The following SLC16A7 variants were observed in gnomAD, a reference collection of about 807,000 sequenced individuals.
SLC16A7 encodes monocarboxylate transporter 2.
Under a neutral mutation model 34.9 loss-of-function variants are expected in SLC16A7, and 33 were observed. The observed-to-expected ratio is 0.94, with a 90% confidence interval of 0.72 to 1.26. The LOEUF (loss-of-function observed/expected upper bound fraction) is 1.26. SLC16A7 is among the 50% of genes most tolerant of loss of function. The pLI is 0.00. For missense variants in SLC16A7, 573 were observed against 578.1 expected (o/e 0.99, Z 0.09); for synonymous variants, 201 against 206.6 (o/e 0.97, Z 0.23).
In SLC16A7 at chr12:59,680,658, A is replaced by T. The variant is rs553412742; in HGVS notation, c.-30-24114A>T. 2.6e-5 allele frequency among the ~76,000 whole-genome samples: 4 copies of T among 151,874 alleles called. No individual in the cohort carries two copies. In the East Asian group the frequency reaches 7.7e-4, roughly 29 times the overall value. ...TATAATTATCTTATTTACACTTTTAACTTTCTCATTGCCTCTCTCCTCTAC... is the reference window on the plus strand; with the variant it reads ...TATAATTATCTTATTTACACTTTTATCTTTCTCATTGCCTCTCTCCTCTAC... On this transcript the variant is annotated intron_variant, in intron 2 of 5. Coordinates refer to ENST00000547379, the MANE Select transcript of SLC16A7 (RefSeq NM_001270623.2).
intron 1 of SLC16A7, among the ~76,000 whole-genome samples, chr12:59,600,448 A>C (rs1490100628): frequency 6.6e-6 from 1 of 152,086 alleles, no homozygotes; most frequent in Non-Finnish European, 1.5e-5. Flanking sequence ...ACTAGCTCTC[A>C]GTGAATAATG....
chr12:59,614,824 TAAAAA>T (rs71448588), intron 1 of SLC16A7, among the ~76,000 whole-genome samples: 1 of 35,744 alleles, frequency 2.8e-5, no homozygotes, highest in Non-Finnish European at 4.7e-5. Context: ...CCATTCCTAC[TAAAAA>T]AAAAAAAAAA....
At chr12:59,608,395 A>G (rs2136963662) in intron 1 of SLC16A7, among the ~76,000 whole-genome samples, 1 of 152,338 alleles carries the variant, frequency 6.6e-6, no homozygotes, top group African/African-American at 2.4e-5. Flanking sequence ...TCTTGTTCTG[A>G]AGTGAAAAAG....
intron 1 of SLC16A7, among the ~76,000 whole-genome samples, chr12:59,605,025 G>A (rs1878871167): frequency 6.6e-6 from 1 of 151,878 alleles, no homozygotes; most frequent in African/African-American, 2.4e-5. Context: ...TTTTGTTTTT[G>A]TATTCTTAGT....
chr12:59,753,877 G>A (rs574358250), intron 3 of SLC16A7, among the ~76,000 whole-genome samples: 3 of 152,230 alleles, frequency 2.0e-5, no homozygotes, highest in Non-Finnish European at 2.9e-5. Flanking sequence ...CTCAGCAAAT[G>A]TAAAAGATCA....
intron 3 of SLC16A7, among the ~76,000 whole-genome samples, chr12:59,712,577 C>T (rs568790822): frequency 1.3e-5 from 2 of 152,276 alleles, no homozygotes; most frequent in South Asian, 2.1e-4. Context: ...TCCGTCAACC[C>T]GGTGTAGAAA....
chr12:59,707,198 C>T (rs939448985), intron 3 of SLC16A7, among the ~76,000 whole-genome samples: 6 of 152,074 alleles, frequency 3.9e-5, no homozygotes, highest in Non-Finnish European at 8.8e-5. Context: ...AACTCTTATA[C>T]TGCCCTACCC....
chr12:59,627,801 G>A (rs1879994565), intron 1 of SLC16A7, among the ~76,000 whole-genome samples: 1 of 151,100 alleles, frequency 6.6e-6, no homozygotes, highest in Non-Finnish European at 1.5e-5. Flanking sequence ...CTAAGCTGAT[G>A]ATTTCTAGGC....
At chr12:59,619,922 A>G (rs1263601792) in intron 1 of SLC16A7, among the ~76,000 whole-genome samples, 1 of 152,006 alleles carries the variant, frequency 6.6e-6, no homozygotes, top group Non-Finnish European at 1.5e-5. Context: ...TTTACAGAAA[A>G]CAATCCAAGG....
intron 3 of SLC16A7, among the ~76,000 whole-genome samples, chr12:59,767,132 C>T (rs1260079624): frequency 1.3e-5 from 2 of 150,756 alleles, no homozygotes; most frequent in Non-Finnish European, 3.0e-5. Flanking sequence ...TGCTTCTTTC[C>T]TTAAACGTCA....
rs180790866 is a variant in SLC16A7, at chr12:59,749,235, C to T, written c.218-21984C>T. On this transcript the variant is annotated intron_variant, in intron 3 of 5. Transcript: ENST00000547379. ...TTAGGACTGCCCTTATCTACAAAGG[C>T]GATAACTCCTGAGTTTTGAAGGGAC... 2.6e-5 allele frequency among the ~76,000 whole-genome samples: 4 copies of T among 152,272 alleles called. No individual in the cohort carries two copies. The East Asian group carries it at 7.7e-4, about 29-fold the overall frequency.
chr12:59,680,398 T>A (rs528267638), intron 2 of SLC16A7, among the ~76,000 whole-genome samples: 1 of 152,198 alleles, frequency 6.6e-6, no homozygotes, highest in Non-Finnish European at 1.5e-5. Flanking sequence ...TTATTTCTTT[T>A]AGACTGAAAA....
At chr12:59,609,976 C>A (rs1413171023) in intron 1 of SLC16A7, among the ~76,000 whole-genome samples, 1 of 152,160 alleles carries the variant, frequency 6.6e-6, no homozygotes, top group Admixed American at 6.5e-5. Flanking sequence ...AATCCTTAAT[C>A]ATTCCCTGAC....
Position 59,788,407 on chromosome 12 carries a change from T to C in SLC16A7, c.*8728T>C, listed in dbSNP as rs1412921543. The C allele has an allele frequency of 6.6e-6, 1 of 152,100 alleles. No homozygotes were observed. Among genetic ancestry groups the C allele is most frequent in the East Asian group, 1.9e-4 (1 of 5,194 alleles). The allele number at this position is 152,100 out of a possible 1,614,324, so 9.4% of individuals were successfully genotyped here. On this transcript the variant is annotated 3_prime_UTR_variant, in exon 6 of 6. Coordinates refer to ENST00000547379, the MANE Select transcript of SLC16A7 (RefSeq NM_001270623.2). Reference sequence around the variant, plus strand: ...TTGTCTTGTTTATTCTATAGATATCTTAATGACCACTGAACAAATGATCAT... The same window carrying C: ...TTGTCTTGTTTATTCTATAGATATCCTAATGACCACTGAACAAATGATCAT...
At chr12:59,622,214 T>A (rs1879724679) in intron 1 of SLC16A7, among the ~76,000 whole-genome samples, 1 of 151,970 alleles carries the variant, frequency 6.6e-6, no homozygotes, top group Admixed American at 6.6e-5. Flanking sequence ...TCAACCTACT[T>A]ATATGTTGCT....
At chr12:59,638,322 T>C (rs572968241) in intron 1 of SLC16A7, among the ~76,000 whole-genome samples, 26 of 152,216 alleles carry the variant, frequency 1.7e-4, no homozygotes, top group African/African-American at 5.8e-4. Context: ...ACTTTCTAGA[T>C]TTTATGGCTT....
chr12:59,726,972 A>C (rs963652108), intron 3 of SLC16A7, among the ~76,000 whole-genome samples: 1 of 152,032 alleles, frequency 6.6e-6, no homozygotes, highest in Non-Finnish European at 1.5e-5. Flanking sequence ...TCTAGATTAC[A>C]ATAGTAATTA....
In SLC16A7 at chr12:59,787,624, G is replaced by A. The variant is rs1253231042; in HGVS notation, c.*7945G>A. 1 of 152,150 alleles carries A rather than the reference G, an allele frequency of 6.6e-6. No homozygotes were observed. The highest frequency in any genetic ancestry group is 1.5e-5 in the Non-Finnish European group (1 of 68,030). 9.4% of individuals were successfully genotyped at this position (152,150 alleles called of 1,614,324 possible). ...GGTAAAACTGTAAAAACAGTAATCT[G>A]CATTCAGTATTTGTTTGCCTAGTTC... is the stretch of plus-strand genomic sequence containing the variant. On this transcript the variant is annotated 3_prime_UTR_variant, in exon 6 of 6. Coordinates refer to ENST00000547379, the MANE Select transcript of SLC16A7 (RefSeq NM_001270623.2).
chr12:59,648,098 G>C (rs763702438), intron 1 of SLC16A7, among the ~76,000 whole-genome samples: 20 of 152,038 alleles, frequency 1.3e-4, no homozygotes, highest in Non-Finnish European at 2.9e-5. Flanking sequence ...GTCAACTGCA[G>C]GGGGTGATTG....
Sources: allele counts gnomAD v4.1 joint callset (sites outside exome capture counted in the v4.1 genomes callset), GRCh38; gene constraint gnomAD v4.1.1; transcripts MANE v1.5; gene names NCBI Gene and HGNC (gene_info 2026-07-23, HGNC 2026-07-21).